SYTL3: variants seen among roughly 807,000 people sequenced by gnomAD.
The protein encoded by SYTL3 is synaptotagmin-like protein 3.
In SYTL3, 88 loss-of-function variants were observed where a neutral mutation model predicts 82.1. The observed-to-expected ratio is 1.07, with a 90% CI of 0.90 to 1.28. The LOEUF (loss-of-function observed/expected upper bound fraction) is 1.28. Among genes scored for constraint, SYTL3 ranks in the 50% most tolerant of loss-of-function variants. SYTL3 has a pLI of 0.00. For missense variants in SYTL3, 831 were observed against 757.6 expected, an observed-to-expected ratio of 1.10 and a Z score of -1.14; for synonymous variants, 311 against 289.4, an observed-to-expected ratio of 1.07 and a Z score of -0.76.
intron 5 of SYTL3, among the ~76,000 whole-genome samples, chr6:158,678,796 G>A (rs2128399523): frequency 6.6e-6 from 1 of 152,206 alleles, no homozygotes; most frequent in South Asian, 2.1e-4. Flanking sequence ...CTAGGCTTTT[G>A]CCTTTTGAGA....
chr6:158,666,534 A>T (rs1242159294), intron 5 of SYTL3, among the ~76,000 whole-genome samples: 1 of 152,114 alleles, frequency 6.6e-6, no homozygotes, highest in Admixed American at 6.6e-5. Context: ...CTGCTGGGGG[A>T]GACGGTGCAC....
chr6:158,709,595 A>G (rs571256415), intron 8 of SYTL3, among the ~76,000 whole-genome samples: 1 of 152,306 alleles, frequency 6.6e-6, no homozygotes, highest in Admixed American at 6.5e-5. Context: ...GTAAAGTGCC[A>G]TGGAAATATA....
chr6:158,683,009 T>C lies in SYTL3; in HGVS notation c.394+20T>C, dbSNP rs1194998173. ...CTGGAGGTAAATGCTCTTTACTTTT[T>C]TAGTAAAGTAAAATGATCTATTCCT... On this transcript the variant is annotated intron_variant, in intron 6 of 17. Coordinates refer to ENST00000611299, the MANE Select transcript of SYTL3 (RefSeq NM_001242394.2). 1 of 1,547,754 alleles carries C rather than the reference T, an allele frequency of 6.5e-7. No homozygotes were observed. Among genetic ancestry groups the C allele is most frequent in the African/African-American group, 1.4e-5 (1 of 73,598 alleles).
intron 13 of SYTL3, among the ~76,000 whole-genome samples, chr6:158,752,789 G>T (rs1788556417): frequency 6.6e-6 from 1 of 152,202 alleles, no homozygotes; most frequent in South Asian, 2.1e-4. Context: ...GCCTTTCTTG[G>T]CAAGTAGGGG....
upstream of SYTL3, among the ~76,000 whole-genome samples, chr6:158,649,514 G>A (rs116404183): frequency 2.6e-3 from 397 of 152,344 alleles, 3 homozygotes; most frequent in African/African-American, 8.7e-3. Context: ...CAAGTCCTTG[G>A]CCATGCCTGA....
intron 5 of SYTL3, among the ~76,000 whole-genome samples, chr6:158,678,532 A>G (rs1232350135): frequency 6.6e-6 from 1 of 152,180 alleles, no homozygotes; most frequent in Non-Finnish European, 1.5e-5. Flanking sequence ...TCCTCCATTC[A>G]TCTTATTGAA....
chr6:158,749,477 GATGAA>G (rs1238711411), intron 12 of SYTL3, among the ~76,000 whole-genome samples: 1 of 137,502 alleles, frequency 7.3e-6, no homozygotes, highest in African/African-American at 2.6e-5. Flanking sequence ...TAACAGCTTA[GATGAA>G]ATGAACACCT....
chr6:158,732,173 A>G (rs1785490433), intron 11 of SYTL3, among the ~76,000 whole-genome samples: 1 of 152,202 alleles, frequency 6.6e-6, no homozygotes, highest in Admixed American at 6.5e-5. Context: ...AAGGTTTAAA[A>G]TAGACTGCTT....
chr6:158,657,445 A>AAG lies in SYTL3; in HGVS notation c.-636-3818_-636-3817dup, dbSNP rs1562340023. Among the ~76,000 whole-genome samples, 6 of 150,470 alleles carry AAG rather than the reference A, an allele frequency of 4.0e-5. No individual in the cohort carries two copies. The East Asian group carries it at 9.7e-4, about 24-fold the overall frequency. On this transcript the variant is annotated intron_variant, in intron 2 of 17. Coordinates refer to ENST00000611299, the MANE Select transcript of SYTL3 (RefSeq NM_001242394.2). ...TGGCTCAAAAAAAAAAAAAAAAAAA[A>AAG]AGAGAGAAAAAGAAAAAAGAAAAAA...
intron 9 of SYTL3, among the ~76,000 whole-genome samples, chr6:158,717,845 C>T (rs1292497504): frequency 1.3e-5 from 2 of 152,140 alleles, no homozygotes; most frequent in Non-Finnish European, 2.9e-5. Flanking sequence ...GCCTGGGTGG[C>T]CACAGCGGGA....
upstream of SYTL3, among the ~76,000 whole-genome samples, chr6:158,646,718 C>CT (rs1787497430): frequency 6.6e-6 from 1 of 152,226 alleles, no homozygotes; most frequent in African/African-American, 2.4e-5. Flanking sequence ...GGATTCTGAA[C>CT]TTTATCTACC....
chr6:158,748,755 G>C (rs1025683776), intron 12 of SYTL3, among the ~76,000 whole-genome samples: 2 of 151,546 alleles, frequency 1.3e-5, no homozygotes, highest in Non-Finnish European at 2.9e-5. Context: ...TGAGGCAGGA[G>C]AATCCCTTGA....
At position 158,717,607 on chromosome 6, in the gene SYTL3, G is replaced by A. The variant is rs1276959354; in HGVS notation, c.596-480G>A. Among the ~76,000 whole-genome samples, 4 of 149,042 alleles carry A rather than the reference G, an allele frequency of 2.7e-5. No homozygotes were observed. In the South Asian group the frequency reaches 8.3e-4, roughly 31 times the overall value. Reference sequence around the variant, plus strand: ...GTTTACAGTCATCTTTCCAGGGTTTGTTTATTATAATTGTTATGAGGACAC... The same window carrying A: ...GTTTACAGTCATCTTTCCAGGGTTTATTTATTATAATTGTTATGAGGACAC... On this transcript the variant is annotated intron_variant, in intron 9 of 17. Transcript: ENST00000611299.
At chr6:158,681,808 T>G (rs769049830) in intron 5 of SYTL3, among the ~76,000 whole-genome samples, 4 of 152,222 alleles carry the variant, frequency 2.6e-5, no homozygotes, top group African/African-American at 4.8e-5. Context: ...TCTTGGAGAA[T>G]GTTGTAAACA....
Position 158,665,406 on chromosome 6 carries a change from C to G in SYTL3, c.122C>G (p.Thr41Arg). 1 of 1,593,420 alleles carries G rather than the reference C, an allele frequency of 6.3e-7. No homozygotes were observed. The highest frequency in any genetic ancestry group is 2.3e-5 in the East Asian group (1 of 44,002). Reference sequence around the variant, plus strand: ...TCTGAGGGCTGCAGGAAACTGAAAACACACCTGCAGCATCTCCGGTGGAAA... The same window carrying G: ...TCTGAGGGCTGCAGGAAACTGAAAAGACACCTGCAGCATCTCCGGTGGAAA... Reference protein sequence around the residue: ...TEEERTRKLKTHLQHLRWKGA... With the variant: ...TEEERTRKLKRHLQHLRWKGA... The change falls in exon 5 of 18, where the codon ACA (threonine) becomes AGA (arginine). Residue 41 changes from threonine to arginine, a missense_variant. Transcript: ENST00000611299.
intron 11 of SYTL3, 66 bp downstream of exon 11, chr6:158,725,703 A>G (rs1424431878): frequency 1.3e-6 from 2 of 1,567,280 alleles, no homozygotes; most frequent in South Asian, 2.4e-5. Context: ...AGCATAATGT[A>G]CAAGTCCTTA....
rs1329616593 is a variant in SYTL3, at chr6:158,763,323, C to T, written c.1537C>T (p.Gln513Ter). The T allele has an allele frequency of 6.2e-7, 1 of 1,614,024 alleles. No homozygotes were observed. Among genetic ancestry groups the T allele is most frequent in the Non-Finnish European group, 8.5e-7 (1 of 1,180,028 alleles). ...CTTCAGCTGTCTCACTCTGCCAGAC[C>T]AACAAAAACTGAGACTGAAGTCGCC... ...FVKGCLTLPD[Q>*]QKLRLKSPVL... is the part of the protein sequence containing the mutation. Residue 513 changes from glutamine (Q) to a stop codon, truncating the protein, a stop_gained, in exon 17 of 18, where the codon CAA (glutamine) becomes TAA (stop). Transcript: ENST00000611299. LOFTEE classifies it high-confidence loss of function.
At chr6:158,755,595 C>T (rs1197639254) in intron 13 of SYTL3, among the ~76,000 whole-genome samples, 6 of 152,186 alleles carry the variant, frequency 3.9e-5, no homozygotes, top group Non-Finnish European at 8.8e-5. Context: ...GGCCCTGCTG[C>T]GCCTCCCCTC....
intron 5 of SYTL3, among the ~76,000 whole-genome samples, chr6:158,674,303 C>T (rs1220298096): frequency 6.6e-6 from 1 of 152,022 alleles, no homozygotes; most frequent in Non-Finnish European, 1.5e-5. Flanking sequence ...ATGAAATATT[C>T]CCTTATTGTA....
Sources: gnomAD v4.1 joint callset for allele counts (sites outside exome capture counted in the v4.1 genomes callset) on GRCh38, gnomAD v4.1.1 for gene constraint, MANE v1.5 for transcripts, NCBI Gene and HGNC (gene_info 2026-07-23, HGNC 2026-07-21) for gene names.